Variants in NFASC observed in about 807,000 individuals in gnomAD.
NFASC encodes the protein neurofascin homolog.
A neutral mutation model predicts 147.5 loss-of-function variants in NFASC; 43 were observed. The observed-to-expected ratio is 0.29, with a 90% CI of 0.23 to 0.38. The LOEUF is 0.38. Among genes scored for constraint, NFASC ranks in the 10% least tolerant of loss-of-function variants. The pLI, the probability that NFASC is intolerant of heterozygous loss-of-function variation, is 1.00. For missense variants in NFASC, 1,320 were observed against 1,689.0 expected (o/e 0.78, Z 3.83); for synonymous variants, 622 against 665.5 (o/e 0.93, Z 1.01).
chr1:204,892,647 T>A (rs977632982), intron 1 of NFASC, among the ~76,000 whole-genome samples: 10 of 152,278 alleles, frequency 6.6e-5, no homozygotes, highest in Admixed American at 2.0e-4. Flanking sequence ...CCATGTTTAA[T>A]GTAAACTATC....
chr1:204,871,921 TTTG>T (rs1194100408), intron 1 of NFASC, among the ~76,000 whole-genome samples: 2 of 152,052 alleles, frequency 1.3e-5, no homozygotes, highest in African/African-American at 2.4e-5. Context: ...TGTGTACTGG[TTTG>T]TTGTTGGTTG....
chr1:204,845,769 TG>T (rs1676842123), intron 1 of NFASC, among the ~76,000 whole-genome samples: 1 of 151,428 alleles, frequency 6.6e-6, no homozygotes. Flanking sequence ...CTAGGCATGG[TG>T]GCACAGCTAT....
chr1:204,957,619 A>T (rs775310324), intron 7 of NFASC, 37 bp from the exon 8 acceptor site: 1 of 1,603,298 alleles, frequency 6.2e-7, no homozygotes, highest in Non-Finnish European at 8.5e-7. Context: ...TACTGTTATT[A>T]CTACTAACCT....
In NFASC at chr1:204,966,656, G is replaced by A. The variant is rs529330876; in HGVS notation, c.707-1593G>A. Among the ~76,000 whole-genome samples the A allele has an allele frequency of 2.0e-4, 30 of 152,294 alleles. No individual in the cohort carries two copies. The South Asian group carries it at 3.3e-3, about 17-fold the overall frequency. On this transcript the variant is annotated intron_variant, in intron 8 of 29. Coordinates refer to ENST00000339876, the MANE Select transcript of NFASC (RefSeq NM_001005388.3). ...CCCCTTCAGTAGTCACTGTTGTAAT[G>A]TGTGTGCTGGTGGGACAGATGAGGC...
In NFASC at chr1:204,897,749, T is replaced by G. The variant is rs560168290; in HGVS notation, c.-199-22883T>G. Among the ~76,000 whole-genome samples the G allele has an allele frequency of 4.9e-3, 734 of 150,768 alleles. 2 individuals are homozygous for G. The highest frequency in any genetic ancestry group is 0.014 in the African/African-American group (582 of 41,116). Reference sequence around the variant, plus strand: ...CCACCATGCTCAGCTAATTTTTTTTTGGGGGGGGCAGAGTCTTGCTCTGTC... The same window carrying G: ...CCACCATGCTCAGCTAATTTTTTTTGGGGGGGGGCAGAGTCTTGCTCTGTC... On this transcript the variant is annotated intron_variant, in intron 1 of 29. Coordinates refer to ENST00000339876, the MANE Select transcript of NFASC (RefSeq NM_001005388.3).
chr1:204,847,873 TGAAAGCTCACAGGATCC>T (rs1200325625), intron 1 of NFASC, among the ~76,000 whole-genome samples: 24 of 152,166 alleles, frequency 1.6e-4, no homozygotes, highest in African/African-American at 5.8e-4. Flanking sequence ...CATTCTGAAG[TGAAAGCTCACAGGATCC>T]CTCCGGGTCA....
chr1:204,908,805 C>T (rs1047322002), intron 1 of NFASC, among the ~76,000 whole-genome samples: 5 of 151,974 alleles, frequency 3.3e-5, no homozygotes, highest in Non-Finnish European at 7.4e-5. Flanking sequence ...ATATCATTTC[C>T]ACTATAAAAA....
intron 3 of NFASC, among the ~76,000 whole-genome samples, chr1:204,950,026 T>C (rs1325778228): frequency 6.6e-6 from 1 of 152,192 alleles, no homozygotes; most frequent in Admixed American, 6.5e-5. Context: ...GAGTCTTCCA[T>C]AGGATGGGAA....
Position 204,968,347 on chromosome 1 carries a change from A to G in NFASC, c.805A>G (p.Ile269Val). 1 of 1,613,818 alleles carries G rather than the reference A, an allele frequency of 6.2e-7. No homozygotes were observed. The highest frequency in any genetic ancestry group is 1.1e-5 in the South Asian group (1 of 91,076). ...TGGCATGGACCTCCTGCTGGAATGC[A>G]TCGCCTCCGGGGTGTATGTGCGGTT... ...LRGMDLLLEC[I>V]ASGVPTPDIA... The change falls in exon 9 of 30, where the codon ATC becomes GTC. Residue 269 changes from isoleucine to valine, a missense_variant. Ile to Val is a conservative substitution (Grantham distance 29). Transcript: ENST00000339876. This position sits in a 1 kb window ranked among gnomAD's most constrained non-coding sequence, Gnocchi z 5.4.
chr1:204,938,302 C>T (rs890413707), intron 2 of NFASC, among the ~76,000 whole-genome samples: 5 of 152,194 alleles, frequency 3.3e-5, no homozygotes, highest in African/African-American at 9.7e-5. Context: ...TTGGTCATGT[C>T]GTGGAGGTGG....
chr1:204,870,245 G>C (rs889186675), intron 1 of NFASC, among the ~76,000 whole-genome samples: 36 of 152,188 alleles, frequency 2.4e-4, no homozygotes, highest in Admixed American at 2.3e-3. Flanking sequence ...AATGTGTAAT[G>C]GGCTGTCAAG....
rs980579555 is a variant in NFASC, at chr1:205,016,824, G to A, written c.*285G>A. ...TTGCCCGGTCTCGCAGCCACCCCGA[G>A]CGTTCCACCACACTGTCCGCCCTTG... On this transcript the variant is annotated 3_prime_UTR_variant, in exon 30 of 30. Coordinates refer to ENST00000339876, the MANE Select transcript of NFASC (RefSeq NM_001005388.3). This position sits in a 1 kb window ranked among gnomAD's most constrained non-coding sequence, Gnocchi z 5.1. The A allele has an allele frequency of 1.8e-5, 9 of 506,740 alleles. No individual in the cohort carries two copies. The highest frequency in any genetic ancestry group is 3.3e-5 in the Non-Finnish European group (9 of 273,606). The allele number at this position is 506,740 out of a possible 1,614,324, so 31.4% of individuals were successfully genotyped here.
chr1:204,957,872 C>T (rs377720093), intron 8 of NFASC, 46 bp downstream of exon 8: 109 of 1,564,230 alleles, frequency 7.0e-5, no homozygotes, highest in Non-Finnish European at 9.2e-5. Context: ...AAGAAAGAAG[C>T]CCACTGATCC....
At chr1:204,847,637 A>G (rs2102617324) in intron 1 of NFASC, among the ~76,000 whole-genome samples, 1 of 152,244 alleles carries the variant, frequency 6.6e-6, no homozygotes, top group South Asian at 2.1e-4. Context: ...TTGGGAAGTC[A>G]GGGGGTTGCA....
intron 21 of NFASC, chr1:204,984,098 C>T (rs2095559483): frequency 1.9e-6 from 3 of 1,614,108 alleles, no homozygotes; most frequent in Non-Finnish European, 2.5e-6. Context: ...TCAGTGGAAC[C>T]GCGTCTACTC....
intron 8 of NFASC, among the ~76,000 whole-genome samples, chr1:204,961,038 G>T (rs2094638356): frequency 6.6e-6 from 1 of 152,302 alleles, no homozygotes; most frequent in Non-Finnish European, 1.5e-5. Flanking sequence ...GTTGGACCAT[G>T]TTCTTGCCTC....
At chr1:204,962,255 C>A in intron 8 of NFASC, 1 of 1,052,860 alleles carries the variant, frequency 9.5e-7, no homozygotes, top group Non-Finnish European at 1.5e-6. Context: ...TGCTGGGTGG[C>A]AGCTGGCCCA....
At chr1:204,845,300 A>C (rs1439037944) in intron 1 of NFASC, among the ~76,000 whole-genome samples, 2 of 151,394 alleles carry the variant, frequency 1.3e-5, no homozygotes, top group Admixed American at 6.6e-5. Flanking sequence ...AAATACAAAA[A>C]AAAAAAAAAT....
intron 2 of NFASC, among the ~76,000 whole-genome samples, chr1:204,941,307 T>A (rs2093349358): frequency 6.6e-6 from 1 of 152,228 alleles, no homozygotes; most frequent in South Asian, 2.1e-4. Flanking sequence ...AGGGAGAGAA[T>A]TGCTACACAG....
Sources: allele counts gnomAD v4.1 joint callset (sites outside exome capture counted in the v4.1 genomes callset), GRCh38; gene constraint gnomAD v4.1.1; non-coding constraint Gnocchi (gnomAD v3.1); transcripts MANE v1.5; gene names NCBI Gene and HGNC (gene_info 2026-07-23, HGNC 2026-07-21).